The following SEMA3G variants were observed in gnomAD, a reference collection of about 807,000 sequenced individuals.
SEMA3G encodes the protein semaphorin 3G, also known as semaphorin-3G.
SEMA3G carries 70 observed loss-of-function variants against 86.2 expected under a neutral mutation model. The observed-to-expected ratio is 0.81, with a 90% CI of 0.67 to 0.99. The LOEUF is 0.99. SEMA3G is among the 50% of genes least tolerant of loss of function. The pLI is 0.00. For synonymous variants in SEMA3G, 416 were observed against 441.4 expected, an observed-to-expected ratio of 0.94 and a Z score of 0.72; for missense variants, 1,002 against 1,072.4, an observed-to-expected ratio of 0.93 and a Z score of 0.92.
At position 52,438,182 on chromosome 3, in the gene SEMA3G, G is replaced by A. The variant is rs928135513; in HGVS notation, c.1527C>T (p.Gly509=). Reference sequence around the variant, plus strand: ...GCAGCTGGGCCACACCCAGCCGAGAGCCCACGTATAGCATTTGCTGGGGAG... The same window carrying A: ...GCAGCTGGGCCACACCCAGCCGAGAACCCACGTATAGCATTTGCTGGGGAG... ...ISVKRQMLYV[G]SRLGVAQLRL... is the part of the protein sequence containing the mutation. Residue 509 remains glycine, a synonymous_variant, in exon 14 of 16, where the codon GGC becomes GGT. Transcript: ENST00000231721. The A allele has an allele frequency of 5.6e-6, 9 of 1,613,018 alleles. No individual in the cohort carries two copies. The highest frequency in any genetic ancestry group is 4.0e-5 in the African/African-American group (3 of 74,948).
Position 52,441,403 on chromosome 3 carries a change from C to T in SEMA3G, c.674G>A (p.Arg225Gln), listed in dbSNP as rs201920787. Residue 225 changes from arginine (R) to glutamine (Q), a missense_variant, in exon 7 of 16, where the codon CGG becomes CAG. Arg to Gln is a conservative substitution (Grantham distance 43). Transcript: ENST00000231721. ...AGGGATCCGGGCGGCCATCACAAAC[C>T]GGGGGTCTGGAAGGGTGACAGGGTC... ...DSDQSLLHDP[R>Q]FVMAARIPEN... The T allele has an allele frequency of 1.9e-5, 31 of 1,613,398 alleles. No individual in the cohort carries two copies. The highest frequency in any genetic ancestry group is 4.0e-5 in the African/African-American group (3 of 75,028).
At chr3:52,440,680 G>A (rs2153229661) in intron 9 of SEMA3G, 74 bp downstream of exon 9, 1 of 1,501,452 alleles carries the variant, frequency 6.7e-7, no homozygotes. Context: ...GAGTCAGAGA[G>A]TACAGTCACA....
In SEMA3G at chr3:52,435,586, C is replaced by T. The variant is rs1411386800; in HGVS notation, c.*17G>A. The T allele has an allele frequency of 6.3e-7, 1 of 1,597,064 alleles. No individual in the cohort carries two copies. Among genetic ancestry groups the T allele is most frequent in the South Asian group, 1.1e-5 (1 of 89,262 alleles). On this transcript the variant is annotated 3_prime_UTR_variant, in exon 16 of 16. Transcript: ENST00000231721. ...GGGCCCCCCAGCCCATCCTGACCAC[C>T]CCTCCTCTGCCCCCTTCTACGTGGC...
At position 52,440,926 on chromosome 3, in the gene SEMA3G, G is replaced by A; in HGVS notation, c.928+8C>T. 6.2e-7 allele frequency: 1 copy of A among 1,602,540 alleles called. No homozygotes were observed. The highest frequency in any genetic ancestry group is 8.5e-7 in the Non-Finnish European group (1 of 1,174,978). The stretch of plus-strand genomic sequence containing the variant: ...CCGAGCCCTAGGCCTGCTTGGCCAG[G>A]CCCTCACCTAGCTGGTCAAAGTGGG... On this transcript the variant is annotated splice_region_variant and intron_variant, in intron 8 of 15. Coordinates refer to ENST00000231721, the MANE Select transcript of SEMA3G (RefSeq NM_020163.3).
chr3:52,444,873 A>G, intron 1 of SEMA3G, 40 bp downstream of exon 1: 1 of 1,286,198 alleles, frequency 7.8e-7, no homozygotes, highest in Non-Finnish European at 9.9e-7. Context: ...ACACACAAAC[A>G]GGGCACATGC....
Position 52,437,119 on chromosome 3 carries a change from G to A in SEMA3G, c.1878+408C>T, listed in dbSNP as rs77713863. On this transcript the variant is annotated intron_variant, in intron 15 of 15. Coordinates refer to ENST00000231721, the MANE Select transcript of SEMA3G (RefSeq NM_020163.3). ...CCCAGAAGGTTCTCTTCTGTTGTGTGTGTGTAGCATAGGGAGGTTCTGAAG... is the reference window on the plus strand; with the variant it reads ...CCCAGAAGGTTCTCTTCTGTTGTGTATGTGTAGCATAGGGAGGTTCTGAAG... 9.2e-4 allele frequency among the ~76,000 whole-genome samples: 140 copies of A among 152,318 alleles called. 1 individual carries two copies. Among genetic ancestry groups the A allele is most frequent in the African/African-American group, 2.9e-3 (120 of 41,568 alleles).
At position 52,438,145 on chromosome 3, in the gene SEMA3G, A is replaced by T. The variant is rs1376506880; in HGVS notation, c.1564T>A (p.Cys522Ser). The T allele has an allele frequency of 1.2e-6, 2 of 1,613,132 alleles. No homozygotes were observed. The highest frequency in any genetic ancestry group is 2.7e-5 in the African/African-American group (2 of 74,952). ...GCACAGGCAGTGCCGTAAGTCTCAC[A>T]TTGGTGCAGCCGCAGCTGGGCCACA... ...LGVAQLRLHQ[C>S]ETYGTACAEC... Residue 522 changes from cysteine to serine, a missense_variant, in exon 14 of 16, where the codon TGT becomes AGT. Physicochemically the swap from Cys to Ser is moderately radical, Grantham distance 112. Transcript: ENST00000231721.
At position 52,442,366 on chromosome 3, in the gene SEMA3G, C is replaced by A; in HGVS notation, c.340-62G>T. 6.4e-7 allele frequency: 1 copy of A among 1,570,486 alleles called. No individual in the cohort carries two copies. The highest frequency in any genetic ancestry group is 8.7e-7 in the Non-Finnish European group (1 of 1,149,334). ...GGGGGTGCCCACCATCTCCTTGGGG[C>A]CCAAGGCTCAGCCCTGTCTGGCGGT... On this transcript the variant is annotated intron_variant, in intron 3 of 15. Transcript: ENST00000231721. The surrounding 1 kb of genome is among the most constrained non-coding windows in gnomAD (Gnocchi z 6.1).
intron 15 of SEMA3G, 148 bp downstream of exon 15, chr3:52,437,379 G>T: frequency 1.3e-6 from 1 of 791,428 alleles, no homozygotes; most frequent in Non-Finnish European, 2.0e-6. Flanking sequence ...CTCCTTCTAG[G>T]CACCCCAGGA....
chr3:52,444,115 G>A (rs1706213102), intron 1 of SEMA3G, among the ~76,000 whole-genome samples: 1 of 152,122 alleles, frequency 6.6e-6, no homozygotes, highest in African/African-American at 2.4e-5. Context: ...CTTCTCTGTG[G>A]CCCCAGGACC....
In SEMA3G at chr3:52,437,671, A is replaced by G. The variant is rs1180489419; in HGVS notation, c.1739-5T>C. On this transcript the variant is annotated splice_polypyrimidine_tract_variant and splice_region_variant and intron_variant, in intron 14 of 15. Coordinates refer to ENST00000231721, the MANE Select transcript of SEMA3G (RefSeq NM_020163.3). ...CCACAAGTCCCACTGCCTCTTCTGG[A>G]GAGAGGCAGAGGTTGGCTCAGCTTG... is the stretch of plus-strand genomic sequence containing the variant. 6.2e-7 allele frequency: 1 copy of G among 1,607,418 alleles called. No homozygotes were observed. The highest frequency in any genetic ancestry group is 2.2e-5 in the East Asian group (1 of 44,706).
At chr3:52,437,181 C>G (rs1463558406) in intron 15 of SEMA3G, among the ~76,000 whole-genome samples, 1 of 152,144 alleles carries the variant, frequency 6.6e-6, no homozygotes, top group Non-Finnish European at 1.5e-5. Context: ...CCCTCCCCTG[C>G]CTGGGGCAGA....
chr3:52,442,002 G>A lies in SEMA3G; in HGVS notation c.460-93C>T. On this transcript the variant is annotated intron_variant, in intron 4 of 15. Transcript: ENST00000231721. This position sits in a 1 kb window ranked among gnomAD's most constrained non-coding sequence, Gnocchi z 6.1. ...GCAGGAGCCCTCGCGTGCGGCCAGAGAGCGGGGGTGGGCGGAAGGCGTCCT... is the reference window on the plus strand; with the variant it reads ...GCAGGAGCCCTCGCGTGCGGCCAGAAAGCGGGGGTGGGCGGAAGGCGTCCT... 2.3e-6 allele frequency: 3 copies of A among 1,325,100 alleles called. 1 individual carries two copies. In the South Asian group the frequency reaches 4.0e-5, roughly 18 times the overall value. The allele number at this position is 1,325,100 out of a possible 1,614,324, so 82.1% of individuals were successfully genotyped here.
intron 10 of SEMA3G, 95 bp from the exon 11 acceptor site, chr3:52,440,193 C>A (rs1706124541): frequency 1.6e-6 from 2 of 1,240,954 alleles, no homozygotes; most frequent in Non-Finnish European, 2.2e-6. Flanking sequence ...GGGGACCTCT[C>A]TCACTGCAGG....
At chr3:52,438,993 G>A (rs371572928) in intron 12 of SEMA3G, 32 bp from the exon 13 acceptor site, 141 of 1,608,482 alleles carry the variant, frequency 8.8e-5, no homozygotes, top group Non-Finnish European at 1.1e-4. Context: ...AGTGTGGGTC[G>A]GGTGGACCAA....
chr3:52,435,401 AG>A lies in SEMA3G; in HGVS notation c.*201del. 1.7e-6 allele frequency: 1 copy of A among 596,858 alleles called. No individual in the cohort carries two copies. Among genetic ancestry groups the A allele is most frequent in the Non-Finnish European group, 3.0e-6 (1 of 337,878 alleles). The allele number at this position is 596,858 out of a possible 1,614,324, so 37.0% of individuals were successfully genotyped here. A position where few individuals can be genotyped will look rare whatever the true frequency, so the allele number is the denominator to read the frequency against. ...AGGGTGCTGGCTCCAGCTGGGTCTA[AG>A]AGCACAGAGAAGGGCAGGGAACAGG... On this transcript the variant is annotated 3_prime_UTR_variant, in exon 16 of 16. Transcript: ENST00000231721.
Position 52,435,579 on chromosome 3 carries a change from T to C in SEMA3G, c.*24A>G, listed in dbSNP as rs780547258. On this transcript the variant is annotated 3_prime_UTR_variant, in exon 16 of 16. Transcript: ENST00000231721. ...TGCTAGTGGGCCCCCCAGCCCATCC[T>C]GACCACCCCTCCTCTGCCCCCTTCT... 1 of 1,590,800 alleles carries C rather than the reference T, an allele frequency of 6.3e-7. No individual in the cohort carries two copies. Among genetic ancestry groups the C allele is most frequent in the South Asian group, 1.1e-5 (1 of 88,430 alleles).
In SEMA3G at chr3:52,442,503, C is replaced by T; in HGVS notation, c.339+56G>A. 11 of 1,597,992 alleles carry T rather than the reference C, an allele frequency of 6.9e-6. No individual in the cohort carries two copies. Among genetic ancestry groups the T allele is most frequent in the Non-Finnish European group, 9.4e-6 (11 of 1,165,674 alleles). ...ACCTGGGGCGTGGTCACGGATTGTC[C>T]TGGGGGTCAGGGCAGGGTGTCAGGT... is the stretch of plus-strand genomic sequence containing the variant. On this transcript the variant is annotated intron_variant, in intron 3 of 15. Transcript: ENST00000231721. The surrounding 1 kb of genome is among the most constrained non-coding windows in gnomAD (Gnocchi z 6.1).
Position 52,442,278 on chromosome 3 carries a change from C to G in SEMA3G, c.366G>C (p.Val122=). The change falls in exon 4 of 16, where the codon GTG becomes GTC. Residue 122 remains valine, a synonymous_variant. Coordinates refer to ENST00000231721, the MANE Select transcript of SEMA3G (RefSeq NM_020163.3). The surrounding 1 kb of genome is among the most constrained non-coding windows in gnomAD (Gnocchi z 6.1). The part of the protein sequence containing the change: ...PLTECANFVR[V]LQPHNRTHLL... ...GGTGGGTCCGGTTGTGAGGCTGTAG[C>G]ACCCGCACGAAGTTGGCGCACTCTG... is the stretch of plus-strand genomic sequence containing the variant. 1.2e-6 allele frequency: 2 copies of G among 1,613,948 alleles called. No homozygotes were observed. The highest frequency in any genetic ancestry group is 1.7e-6 in the Non-Finnish European group (2 of 1,179,974).
Sources: allele counts gnomAD v4.1 joint callset (sites outside exome capture counted in the v4.1 genomes callset), GRCh38; gene constraint gnomAD v4.1.1; non-coding constraint Gnocchi (gnomAD v3.1); transcripts MANE v1.5; gene names NCBI Gene and HGNC (gene_info 2026-07-23, HGNC 2026-07-21).